Variants in CDK6 observed in about 807,000 individuals in gnomAD.
CDK6 encodes the protein cyclin-dependent kinase 6.
In CDK6, 6 loss-of-function variants were observed where a neutral mutation model predicts 37.1. The observed-to-expected ratio is 0.16, with a 90% confidence interval of 0.09 to 0.32. CDK6 has a LOEUF of 0.32. Ranked by LOEUF, CDK6 falls within the 10% of genes least tolerant of loss-of-function variation. The pLI is 1.00. For synonymous variants in CDK6, 160 were observed against 161.3 expected (o/e 0.99, Z 0.06); for missense variants, 224 against 418.9 (o/e 0.53, Z 4.06).
chr7:92,807,356 T>A (rs997417547), intron 2 of CDK6, among the ~76,000 whole-genome samples: 3 of 152,058 alleles, frequency 2.0e-5, no homozygotes, highest in African/African-American at 7.2e-5. Flanking sequence ...TCTCCAGATT[T>A]CTGTATCTAT....
chr7:92,649,508 T>A (rs1199188377), intron 5 of CDK6, among the ~76,000 whole-genome samples: 1 of 152,174 alleles, frequency 6.6e-6, no homozygotes, highest in African/African-American at 2.4e-5. Context: ...AATGCCCCAA[T>A]TTCATGAATA....
intron 2 of CDK6, among the ~76,000 whole-genome samples, chr7:92,831,315 T>C (rs375730206): frequency 8.5e-5 from 13 of 152,256 alleles, no homozygotes; most frequent in African/African-American, 2.9e-4. Flanking sequence ...TAAACAATAG[T>C]GTTATACAGG....
chr7:92,754,199 C>A (rs1329761547), intron 3 of CDK6, among the ~76,000 whole-genome samples: 2 of 152,200 alleles, frequency 1.3e-5, no homozygotes, highest in African/African-American at 4.8e-5. Flanking sequence ...ATGGTGCCAG[C>A]ATCTTCCTCA....
chr7:92,685,160 T>A (rs1797419976), intron 4 of CDK6, among the ~76,000 whole-genome samples: 1 of 152,216 alleles, frequency 6.6e-6, no homozygotes, highest in African/African-American at 2.4e-5. Flanking sequence ...GATTAAATAA[T>A]TACAGAATAT....
At chr7:92,760,119 T>C (rs1799418426) in intron 3 of CDK6, among the ~76,000 whole-genome samples, 1 of 152,192 alleles carries the variant, frequency 6.6e-6, no homozygotes, top group Non-Finnish European at 1.5e-5. Flanking sequence ...CTTGCAACTT[T>C]ACTGTATTCT....
rs184019390 is a variant in CDK6 at position 92,821,405 on chromosome 7, T to G, written c.233+11686A>C. Among the ~76,000 whole-genome samples the G allele has an allele frequency of 1.8e-3, 276 of 152,270 alleles. 2 individuals carry two copies. Among genetic ancestry groups the G allele is most frequent in the African/African-American group, 6.4e-3 (266 of 41,558 alleles). On this transcript the variant is annotated intron_variant, in intron 2 of 7. Transcript: ENST00000424848. Reference sequence around the variant, plus strand: ...TGCTCTGTCTGAATTCCCCACCTGCTAAATTCATGAATATAAGATAATGGT... The same window carrying G: ...TGCTCTGTCTGAATTCCCCACCTGCGAAATTCATGAATATAAGATAATGGT...
At chr7:92,744,390 C>T (rs910563390) in intron 3 of CDK6, among the ~76,000 whole-genome samples, 1 of 152,132 alleles carries the variant, frequency 6.6e-6, no homozygotes, top group Non-Finnish European at 1.5e-5. Context: ...TACTCATTAC[C>T]ACTAGAACAG....
intron 2 of CDK6, among the ~76,000 whole-genome samples, chr7:92,820,981 G>A (rs1380206918): frequency 1.3e-5 from 2 of 151,690 alleles, no homozygotes; most frequent in African/African-American, 4.8e-5. Flanking sequence ...AGCTGGGGGT[G>A]GGGGGGTGGA....
chr7:92,676,077 T>A (rs1425396014), intron 4 of CDK6, among the ~76,000 whole-genome samples: 4 of 152,044 alleles, frequency 2.6e-5, no homozygotes, highest in Non-Finnish European at 5.9e-5. Context: ...TTTGTTGATT[T>A]CTATTTTTAT....
At chr7:92,696,827 C>T (rs1408542559) in intron 4 of CDK6, among the ~76,000 whole-genome samples, 1 of 152,160 alleles carries the variant, frequency 6.6e-6, no homozygotes, top group Non-Finnish European at 1.5e-5. Context: ...TAACACATTT[C>T]CTGTCTTCAA....
At chr7:92,712,347 T>C (rs1191017146) in intron 4 of CDK6, among the ~76,000 whole-genome samples, 1 of 152,138 alleles carries the variant, frequency 6.6e-6, no homozygotes, top group African/African-American at 2.4e-5. Context: ...AATTACTGAG[T>C]AAATGCATGT....
At chr7:92,682,514 AATC>A (rs1191809703) in intron 4 of CDK6, among the ~76,000 whole-genome samples, 1 of 152,180 alleles carries the variant, frequency 6.6e-6, no homozygotes, top group East Asian at 1.9e-4. Flanking sequence ...ATTGCATCTC[AATC>A]ATTGTATCCT....
intron 5 of CDK6, among the ~76,000 whole-genome samples, chr7:92,651,596 A>G (rs1355697556): frequency 1.3e-5 from 2 of 152,238 alleles, no homozygotes; most frequent in Non-Finnish European, 2.9e-5. Context: ...TATAAGGAGC[A>G]TAATGAATTG....
intron 4 of CDK6, among the ~76,000 whole-genome samples, chr7:92,709,441 C>T (rs1168973627): frequency 6.6e-6 from 1 of 152,052 alleles, no homozygotes; most frequent in Non-Finnish European, 1.5e-5. Flanking sequence ...CCTTCCCTGA[C>T]TCTCCTAGAT....
At chr7:92,811,027 G>A (rs903840886) in intron 2 of CDK6, among the ~76,000 whole-genome samples, 4 of 151,874 alleles carry the variant, frequency 2.6e-5, no homozygotes, top group African/African-American at 9.7e-5. Flanking sequence ...GATCGCGCCC[G>A]GTGACAGAAT....
At chr7:92,677,179 A>T (rs1797224631) in intron 4 of CDK6, among the ~76,000 whole-genome samples, 2 of 152,240 alleles carry the variant, frequency 1.3e-5, no homozygotes, top group Admixed American at 6.5e-5. Context: ...TAAACTATCA[A>T]CATCTGTCTA....
chr7:92,724,726 AT>A (rs927882903), intron 4 of CDK6, among the ~76,000 whole-genome samples: 2 of 150,614 alleles, frequency 1.3e-5, no homozygotes, highest in East Asian at 1.9e-4. Flanking sequence ...AATACGGATT[AT>A]TTTTTTTTAT....
chr7:92,783,181 G>A (rs368552265), intron 2 of CDK6, among the ~76,000 whole-genome samples: 8 of 152,198 alleles, frequency 5.3e-5, no homozygotes, highest in African/African-American at 1.9e-4. Flanking sequence ...ATCACAAACA[G>A]GAATGTAAAA....
intron 4 of CDK6, among the ~76,000 whole-genome samples, chr7:92,674,313 T>C (rs1211373428): frequency 6.6e-6 from 1 of 152,222 alleles, no homozygotes; most frequent in African/African-American, 2.4e-5. Context: ...CCAGCTGCTA[T>C]CTGAAAATCA....
Sources: gnomAD v4.1 joint callset for allele counts (sites outside exome capture counted in the v4.1 genomes callset) on GRCh38, gnomAD v4.1.1 for gene constraint, MANE v1.5 for transcripts, NCBI Gene and HGNC (gene_info 2026-07-23, HGNC 2026-07-21) for gene names.